THSD7A: variants seen among roughly 807,000 people sequenced by gnomAD.
THSD7A encodes thrombospondin type 1 domain containing 7A, also known as thrombospondin type-1 domain-containing protein 7A.
A neutral mutation model predicts 231.3 loss-of-function variants in THSD7A; 96 were observed. The observed-to-expected ratio is 0.41, with a 90% CI of 0.35 to 0.49. THSD7A has a LOEUF of 0.49. Ranked by LOEUF, THSD7A falls within the 20% of genes least tolerant of loss-of-function variation. The pLI, the probability that THSD7A is intolerant of heterozygous loss-of-function variation, is 0.05. For missense variants in THSD7A, 2,290 were observed against 2,070.2 expected, an observed-to-expected ratio of 1.11 and a Z score of -2.06; for synonymous variants, 940 against 743.3, an observed-to-expected ratio of 1.26 and a Z score of -4.30.
chr7:11,431,827 T>C (rs1784486769), intron 13 of THSD7A, among the ~76,000 whole-genome samples: 1 of 152,162 alleles, frequency 6.6e-6, no homozygotes, highest in Non-Finnish European at 1.5e-5. Flanking sequence ...TCCATTTATA[T>C]AGATCTTTAA....
At chr7:11,467,438 C>T (rs753174808) in intron 9 of THSD7A, among the ~76,000 whole-genome samples, 1 of 152,030 alleles carries the variant, frequency 6.6e-6, no homozygotes, top group Non-Finnish European at 1.5e-5. Context: ...TGTGATTTCT[C>T]TATATGACCA....
intron 13 of THSD7A, among the ~76,000 whole-genome samples, chr7:11,436,170 AGT>A: frequency 6.6e-6 from 1 of 152,062 alleles, no homozygotes; most frequent in Non-Finnish European, 1.5e-5. Context: ...ACCTCACATT[AGT>A]AATAGGGCTT....
chr7:11,481,929 C>T lies in THSD7A; in HGVS notation c.1876G>A (p.Ala626Thr). 6.2e-7 allele frequency: 1 copy of T among 1,613,618 alleles called. No individual in the cohort carries two copies. Among genetic ancestry groups the T allele is most frequent in the Non-Finnish European group, 8.5e-7 (1 of 1,179,662 alleles). ...CRDAIFPIPV[A>T]CDAPCPKDCV... Reference sequence around the variant, plus strand: ...TCTTTCGGGCATGGGGCATCACAGGCCACAGGGATGGGGAAGATGGCATCT... The same window carrying T: ...TCTTTCGGGCATGGGGCATCACAGGTCACAGGGATGGGGAAGATGGCATCT... The change falls in exon 7 of 28, where the codon GCC (alanine) becomes ACC (threonine). Residue 626 changes from alanine (A) to threonine (T), a missense_variant. Physicochemically the swap from Ala to Thr is moderately conservative, Grantham distance 58. Transcript: ENST00000423059.
At chr7:11,767,607 A>G (rs1174613052) in intron 1 of THSD7A, among the ~76,000 whole-genome samples, 1 of 152,142 alleles carries the variant, frequency 6.6e-6, no homozygotes, top group African/African-American at 2.4e-5. Context: ...ATTATATAGT[A>G]TTTTCATTTT....
chr7:11,480,294 C>G (rs1786370650), intron 7 of THSD7A, among the ~76,000 whole-genome samples: 1 of 152,106 alleles, frequency 6.6e-6, no homozygotes, highest in South Asian at 2.1e-4. Context: ...GAATAATGAT[C>G]TGGTGAGTTC....
intron 2 of THSD7A, among the ~76,000 whole-genome samples, chr7:11,633,851 T>C (rs952089029): frequency 1.3e-5 from 2 of 152,216 alleles, no homozygotes; most frequent in Admixed American, 1.3e-4. Flanking sequence ...GTTAAACTTA[T>C]GCAGTTACTA....
chr7:11,590,540 C>A lies in THSD7A; in HGVS notation c.1373G>T (p.Gly458Val). 6.2e-7 allele frequency: 1 copy of A among 1,613,846 alleles called. No homozygotes were observed. Among genetic ancestry groups the A allele is most frequent in the Non-Finnish European group, 8.5e-7 (1 of 1,179,818 alleles). The stretch of plus-strand genomic sequence containing the variant: ...GCAGTACACCTCTCGGGTCTGGATG[C>A]CCCCTCCACAGAGGGCCGTCTGGTT... ...RGNQTALCGG[G>V]IQTREVYCVQ... is the part of the protein sequence containing the mutation. Residue 458 changes from glycine to valine, a missense_variant, in exon 4 of 28, where the codon GGC becomes GTC. Physicochemically the swap from Gly to Val is moderately radical, Grantham distance 109. Coordinates refer to ENST00000423059, the MANE Select transcript of THSD7A (RefSeq NM_015204.3). This position sits in a 1 kb window ranked among gnomAD's most constrained non-coding sequence, Gnocchi z 4.4.
rs570573439 is a variant in THSD7A at position 11,375,641 on chromosome 7, G to C, written c.*153C>G. Reference sequence around the variant, plus strand: ...AGTGGTACTGTCTTAAATATCTCCAGTGGCAGTATGATTTTCACTCTTGTC... The same window carrying C: ...AGTGGTACTGTCTTAAATATCTCCACTGGCAGTATGATTTTCACTCTTGTC... On this transcript the variant is annotated 3_prime_UTR_variant, in exon 28 of 28. Transcript: ENST00000423059. The C allele has an allele frequency of 1.5e-5, 9 of 615,920 alleles. No individual in the cohort carries two copies. The allele number at this position is 615,920 out of a possible 1,614,324, so 38.2% of individuals were successfully genotyped here.
chr7:11,771,050 A>G, intron 1 of THSD7A, among the ~76,000 whole-genome samples: 1 of 151,150 alleles, frequency 6.6e-6, no homozygotes, highest in Non-Finnish European at 1.5e-5. Context: ...TCTTTCTTTA[A>G]AAATTTTTTT....
intron 1 of THSD7A, among the ~76,000 whole-genome samples, chr7:11,657,275 T>A (rs1782745732): frequency 6.6e-6 from 1 of 151,634 alleles, no homozygotes; most frequent in African/African-American, 2.4e-5. Flanking sequence ...GAGATTTGAG[T>A]TGGATAGGTA....
At chr7:11,465,556 T>G (rs1785668620) in intron 9 of THSD7A, among the ~76,000 whole-genome samples, 1 of 151,512 alleles carries the variant, frequency 6.6e-6, no homozygotes, top group Non-Finnish European at 1.5e-5. Flanking sequence ...TGAAAAGGAT[T>G]TAAAAGGCAG....
At chr7:11,700,830 C>A (rs1780572179) in intron 1 of THSD7A, among the ~76,000 whole-genome samples, 1 of 150,750 alleles carries the variant, frequency 6.6e-6, no homozygotes, top group Non-Finnish European at 1.5e-5. Flanking sequence ...TAATAAATTT[C>A]ATCTCCATGT....
At chr7:11,430,287 A>G (rs1411146347) in intron 13 of THSD7A, among the ~76,000 whole-genome samples, 1 of 152,158 alleles carries the variant, frequency 6.6e-6, no homozygotes, top group Non-Finnish European at 1.5e-5. Context: ...TGCAACCATC[A>G]TCACCATCTA....
At chr7:11,732,717 T>C (rs1385615157) in intron 1 of THSD7A, among the ~76,000 whole-genome samples, 2 of 151,760 alleles carry the variant, frequency 1.3e-5, no homozygotes, top group African/African-American at 4.8e-5. Flanking sequence ...GCTTTGAAAG[T>C]AGATGTAAGG....
intron 6 of THSD7A, 136 bp from the exon 7 acceptor site, chr7:11,482,118 A>G: frequency 1.2e-6 from 1 of 859,026 alleles, no homozygotes; most frequent in Non-Finnish European, 1.8e-6. Context: ...CAAAAGAGGG[A>G]TTGCCTACTA....
At chr7:11,752,138 G>A (rs1442689817) in intron 1 of THSD7A, among the ~76,000 whole-genome samples, 2 of 152,046 alleles carry the variant, frequency 1.3e-5, no homozygotes, top group Non-Finnish European at 2.9e-5. Flanking sequence ...CAGATCATGA[G>A]GCACCTATGG....
At chr7:11,779,775 G>C (rs1300618757) in intron 1 of THSD7A, among the ~76,000 whole-genome samples, 4 of 152,096 alleles carry the variant, frequency 2.6e-5, no homozygotes, top group African/African-American at 9.7e-5. Context: ...TCAGTCATTG[G>C]GTTGAAGAAG....
At chr7:11,809,435 C>T (rs1218601987) in intron 1 of THSD7A, among the ~76,000 whole-genome samples, 1 of 152,112 alleles carries the variant, frequency 6.6e-6, no homozygotes, top group East Asian at 1.9e-4. Context: ...TCAGGCACTT[C>T]AAAGATGATA....
chr7:11,571,490 G>C (rs1250583117), intron 4 of THSD7A, among the ~76,000 whole-genome samples: 1 of 152,146 alleles, frequency 6.6e-6, no homozygotes, highest in Non-Finnish European at 1.5e-5. Flanking sequence ...TCTAAGTGCA[G>C]TATATGGACT....
Sources: gnomAD v4.1 joint callset for allele counts (sites outside exome capture counted in the v4.1 genomes callset) on GRCh38, gnomAD v4.1.1 for gene constraint, Gnocchi (gnomAD v3.1) non-coding constraint, MANE v1.5 for transcripts, NCBI Gene and HGNC (gene_info 2026-07-23, HGNC 2026-07-21) for gene names.